Variants in ATP11A observed in about 807,000 individuals in gnomAD.
ATP11A encodes the protein ATPase phospholipid transporting 11A.
A neutral mutation model predicts 154.4 loss-of-function variants in ATP11A; 81 were observed. The observed-to-expected ratio is 0.52, with a 90% CI of 0.44 to 0.63. ATP11A has a LOEUF of 0.63. Among genes scored for constraint, ATP11A ranks in the 30% least tolerant of loss-of-function variants. The probability of loss-of-function intolerance (pLI) is 0.00; values close to 1 mark genes in which losing one functional copy is unlikely to be tolerated. For synonymous variants in ATP11A, 623 were observed against 585.9 expected (o/e 1.06, Z -0.91); for missense variants, 1,316 against 1,474.3 (o/e 0.89, Z 1.76).
At chr13:112,848,381 G>A (rs1046603892) in intron 17 of ATP11A, among the ~76,000 whole-genome samples, 1 of 152,084 alleles carries the variant, frequency 6.6e-6, no homozygotes, top group African/African-American at 2.4e-5. Context: ...CATTGGTAGT[G>A]TATAGAAATG....
In ATP11A at chr13:112,884,327, G is replaced by T. The variant is rs956822509; in HGVS notation, c.*2461G>T. 3 of 152,562 alleles carry T rather than the reference G, an allele frequency of 2.0e-5. No individual in the cohort carries two copies. In the South Asian group the frequency reaches 6.2e-4, roughly 32 times the overall value. 9.5% of individuals were successfully genotyped at this position (152,562 alleles called of 1,614,324 possible). On this transcript the variant is annotated 3_prime_UTR_variant, in exon 30 of 30. Transcript: ENST00000375645. ...AGCCTTAAAAATAGAAGATTCTCACGTGAAGGTTTAGTAAGTTGGGTCCCA... is the reference window on the plus strand; with the variant it reads ...AGCCTTAAAAATAGAAGATTCTCACTTGAAGGTTTAGTAAGTTGGGTCCCA...
chr13:112,811,605 G>A (rs766007860), intron 5 of ATP11A: 6 of 152,128 alleles, frequency 3.9e-5, no homozygotes, highest in Non-Finnish European at 8.8e-5. Context: ...TAAAAAAAAT[G>A]TATTTATTTA....
intron 6 of ATP11A, 44 bp downstream of exon 6, chr13:112,816,255 C>A (rs983080402): frequency 2.5e-6 from 4 of 1,613,364 alleles, no homozygotes; most frequent in Non-Finnish European, 2.5e-6. Flanking sequence ...ATCTTCCTGT[C>A]CTGCTTCGGA....
At chr13:112,857,239 T>C (rs907793505) in intron 20 of ATP11A, among the ~76,000 whole-genome samples, 2 of 152,078 alleles carry the variant, frequency 1.3e-5, no homozygotes, top group African/African-American at 2.4e-5. Flanking sequence ...GGCACATAGA[T>C]GGGGGGGAAA....
At chr13:112,821,083 C>T (rs1445286553) in intron 8 of ATP11A, among the ~76,000 whole-genome samples, 2 of 152,124 alleles carry the variant, frequency 1.3e-5, no homozygotes, top group East Asian at 1.9e-4. Flanking sequence ...AAGGTAAATT[C>T]CTCCTTACTT....
At chr13:112,840,414 C>T (rs1328333500) in intron 16 of ATP11A, among the ~76,000 whole-genome samples, 2 of 83,880 alleles carry the variant, frequency 2.4e-5, no homozygotes, top group African/African-American at 5.0e-5. Context: ...AGCCTCCTTA[C>T]TCTCCTGTCC....
intron 1 of ATP11A, among the ~76,000 whole-genome samples, chr13:112,743,670 A>G (rs978523707): frequency 6.6e-6 from 1 of 152,204 alleles, no homozygotes; most frequent in Non-Finnish European, 1.5e-5. Flanking sequence ...CAGCATAGGC[A>G]GGTGTTGTAG....
At chr13:112,731,986 G>A (rs1890533538) in intron 1 of ATP11A, among the ~76,000 whole-genome samples, 1 of 151,824 alleles carries the variant, frequency 6.6e-6, no homozygotes, top group South Asian at 2.1e-4. Context: ...CATAGCGTGC[G>A]GGCACTGGCC....
At chr13:112,870,678 G>A (rs548487252) in intron 25 of ATP11A, among the ~76,000 whole-genome samples, 7 of 152,084 alleles carry the variant, frequency 4.6e-5, no homozygotes, top group Admixed American at 2.0e-4. Flanking sequence ...CACCCGGCCC[G>A]CTTTTTAATT....
chr13:112,855,945 A>G lies in ATP11A; in HGVS notation c.2278A>G (p.Ile760Val). 1 of 1,613,956 alleles carries G rather than the reference A, an allele frequency of 6.2e-7. No homozygotes were observed. Among genetic ancestry groups the G allele is most frequent in the Non-Finnish European group, 8.5e-7 (1 of 1,179,896 alleles). Reference sequence around the variant, plus strand: ...AGATATGCAGGACTACGGTTTAATTATCGACGGAGCTGCACTGTCTCTGAT... The same window carrying G: ...AGATATGCAGGACTACGGTTTAATTGTCGACGGAGCTGCACTGTCTCTGAT... ...SADMQDYGLIIDGAALSLIMK... is the reference protein window; with the variant it reads ...SADMQDYGLIVDGAALSLIMK... Residue 760 changes from isoleucine (I) to valine (V), a missense_variant, in exon 20 of 30, where the codon ATC becomes GTC. Ile to Val is a conservative substitution (Grantham distance 29). Around this residue, in one of 5 missense-constraint regions of ATP11A, gnomAD observed 876 missense variants for 1,006.8 expected, o/e 0.87. Transcript: ENST00000375645.
intron 1 of ATP11A, among the ~76,000 whole-genome samples, chr13:112,739,716 G>A (rs757876535): frequency 7.2e-5 from 11 of 152,182 alleles, no homozygotes; most frequent in South Asian, 2.1e-4. Flanking sequence ...GCCAAAGAGC[G>A]GAAGCATCTC....
chr13:112,824,253 A>G (rs916692823), intron 9 of ATP11A, 91 bp from the exon 10 acceptor site: 6 of 988,614 alleles, frequency 6.1e-6, no homozygotes, highest in African/African-American at 1.6e-5. Flanking sequence ...GCTTTACCCA[A>G]GAATTGATTT....
At chr13:112,820,339 G>A (rs1011674131) in intron 8 of ATP11A, among the ~76,000 whole-genome samples, 1 of 152,208 alleles carries the variant, frequency 6.6e-6, no homozygotes, top group Non-Finnish European at 1.5e-5. Context: ...TAATTTGGAG[G>A]CCGTTTTTGG....
chr13:112,789,391 C>T (rs369358810), intron 2 of ATP11A, among the ~76,000 whole-genome samples: 14 of 148,170 alleles, frequency 9.4e-5, no homozygotes, highest in African/African-American at 2.5e-4. Flanking sequence ...TAATTCACAC[C>T]GGTGTTCTGA....
Position 112,816,101 on chromosome 13 carries a change from G to A in ATP11A, c.460G>A (p.Val154Ile). 1.2e-6 allele frequency: 2 copies of A among 1,614,200 alleles called. No individual in the cohort carries two copies. The highest frequency in any genetic ancestry group is 1.1e-5 in the South Asian group (1 of 91,080). Residue 154 changes from valine (V) to isoleucine (I), a missense_variant, in exon 6 of 30, where the codon GTT becomes ATT. Val to Ile is a conservative substitution (Grantham distance 29, BLOSUM62 3). This residue lies in a region of ATP11A where 876 missense variants were observed against 1,006.8 expected (regional missense o/e 0.87). Coordinates refer to ENST00000375645, the MANE Select transcript of ATP11A (RefSeq NM_015205.3). ...CCTGTAGGTTGGGGACATTGTCATGGTTAAGGAGGACGAGACCTTTCCCTG... is the reference window on the plus strand; with the variant it reads ...CCTGTAGGTTGGGGACATTGTCATGATTAAGGAGGACGAGACCTTTCCCTG... ...RKLRVGDIVMVKEDETFPCDL... is the reference protein window; with the variant it reads ...RKLRVGDIVMIKEDETFPCDL...
At chr13:112,825,037 C>T (rs2078897620) in intron 10 of ATP11A, among the ~76,000 whole-genome samples, 1 of 152,066 alleles carries the variant, frequency 6.6e-6, no homozygotes, top group Non-Finnish European at 1.5e-5. Context: ...CTCTCCTTTC[C>T]TTCCTTCCTC....
chr13:112,881,190 C>T (rs533538758), intron 29 of ATP11A: 1 of 989,628 alleles, frequency 1.0e-6, no homozygotes, highest in South Asian at 4.6e-5. Flanking sequence ...GACGGCCCCT[C>T]ATCAGACAGA....
At chr13:112,780,014 T>A (rs1165491573) in intron 1 of ATP11A, among the ~76,000 whole-genome samples, 1 of 152,108 alleles carries the variant, frequency 6.6e-6, no homozygotes, top group Non-Finnish European at 1.5e-5. Flanking sequence ...AGAGCAAGTT[T>A]GATGGTGGTA....
At chr13:112,706,365 G>T (rs982591931) in intron 1 of ATP11A, among the ~76,000 whole-genome samples, 1 of 152,210 alleles carries the variant, frequency 6.6e-6, no homozygotes, top group African/African-American at 2.4e-5. Context: ...TCATAAAAGC[G>T]TGATGTTCAG....
Sources: gnomAD v4.1 joint callset for allele counts (sites outside exome capture counted in the v4.1 genomes callset) on GRCh38, gnomAD v4.1.1 for gene constraint, gnomAD v4.1.1 regional missense constraint, MANE v1.5 for transcripts, NCBI Gene and HGNC (gene_info 2026-07-23, HGNC 2026-07-21) for gene names.